The following KCNMA1 variants were observed in gnomAD, a reference collection of about 807,000 sequenced individuals.
The protein encoded by KCNMA1 is potassium calcium-activated channel subfamily M alpha 1.
KCNMA1 carries 29 observed loss-of-function variants against 140.0 expected under a neutral mutation model. The ratio of observed to expected loss-of-function variants is 0.21; its 90% CI spans 0.15 to 0.28. KCNMA1 has a LOEUF of 0.28. Ranked by LOEUF, KCNMA1 falls within the 10% of genes least tolerant of loss-of-function variation. KCNMA1 has a pLI of 1.00. For missense variants in KCNMA1, 880 were observed against 1,602.2 expected (o/e 0.55, Z 7.70); for synonymous variants, 612 against 611.9 (o/e 1.00, Z 0.00).
intron 3 of KCNMA1, among the ~76,000 whole-genome samples, chr10:77,227,244 G>A (rs2154197414): frequency 6.6e-6 from 1 of 152,288 alleles, no homozygotes; most frequent in East Asian, 1.9e-4. Context: ...GTTACAGATA[G>A]GAAAAGCAAT....
intron 19 of KCNMA1, among the ~76,000 whole-genome samples, chr10:76,983,844 C>T (rs1367397303): frequency 6.6e-6 from 1 of 151,980 alleles, no homozygotes; most frequent in Non-Finnish European, 1.5e-5. Context: ...TTTTCTCCCA[C>T]ATAAGCTAAT....
chr10:77,460,291 T>G (rs2097841615), intron 1 of KCNMA1, among the ~76,000 whole-genome samples: 1 of 152,204 alleles, frequency 6.6e-6, no homozygotes, highest in African/African-American at 2.4e-5. Flanking sequence ...CCACCCATCC[T>G]TTAAGACCAA....
intron 20 of KCNMA1, among the ~76,000 whole-genome samples, chr10:76,958,636 G>C (rs539379254): frequency 6.6e-6 from 1 of 152,282 alleles, no homozygotes; most frequent in Non-Finnish European, 1.5e-5. Context: ...GTCCTTACAA[G>C]AAGAGGAAAT....
At chr10:77,057,927 A>G (rs2095599953) in intron 14 of KCNMA1, among the ~76,000 whole-genome samples, 1 of 151,944 alleles carries the variant, frequency 6.6e-6, no homozygotes, top group Non-Finnish European at 1.5e-5. Context: ...TAATAATATT[A>G]TAGATAAATT....
At chr10:77,375,504 A>C (rs1433571037) in intron 2 of KCNMA1, among the ~76,000 whole-genome samples, 4 of 152,206 alleles carry the variant, frequency 2.6e-5, no homozygotes, top group African/African-American at 9.6e-5. Context: ...CCAAGCAGCC[A>C]CCACAAGAGT....
chr10:76,954,952 A>G (rs1401181628), intron 20 of KCNMA1, among the ~76,000 whole-genome samples: 1 of 152,202 alleles, frequency 6.6e-6, no homozygotes, highest in Admixed American at 6.5e-5. Flanking sequence ...CCATGCTTTT[A>G]TCTCTGATAG....
At chr10:77,077,376 G>T (rs942921424) in intron 13 of KCNMA1, among the ~76,000 whole-genome samples, 3 of 152,208 alleles carry the variant, frequency 2.0e-5, no homozygotes, top group African/African-American at 7.2e-5. Flanking sequence ...AAATAATCAT[G>T]AATTGGTTGA....
intron 9 of KCNMA1, among the ~76,000 whole-genome samples, chr10:77,098,484 A>G (rs981405304): frequency 7.2e-5 from 11 of 151,822 alleles, no homozygotes. Context: ...CCACTTCCTC[A>G]GTGTCAGAGC....
intron 14 of KCNMA1, among the ~76,000 whole-genome samples, chr10:77,048,277 C>T (rs2095196457): frequency 6.6e-6 from 1 of 152,126 alleles, no homozygotes; most frequent in African/African-American, 2.4e-5. Flanking sequence ...GTACTTAACT[C>T]GTCACGGATG....
At chr10:77,407,506 C>A (rs1044145531) in intron 1 of KCNMA1, among the ~76,000 whole-genome samples, 2 of 152,224 alleles carry the variant, frequency 1.3e-5, no homozygotes, top group African/African-American at 4.8e-5. Context: ...TTGCTTAAAC[C>A]TTATAATACA....
At chr10:77,114,600 C>T (rs2097406938) in intron 6 of KCNMA1, among the ~76,000 whole-genome samples, 1 of 152,194 alleles carries the variant, frequency 6.6e-6, no homozygotes, top group East Asian at 1.9e-4. Context: ...AACTTGAAAG[C>T]CCTTCCCATC....
intron 2 of KCNMA1, among the ~76,000 whole-genome samples, chr10:77,347,533 AG>A (rs2092345699): frequency 6.6e-6 from 1 of 152,204 alleles, no homozygotes; most frequent in Admixed American, 6.5e-5. Context: ...TGGGGATGGC[AG>A]GCTTGCAGCC....
At chr10:77,301,599 A>G (rs997502353) in intron 2 of KCNMA1, among the ~76,000 whole-genome samples, 4 of 151,942 alleles carry the variant, frequency 2.6e-5, no homozygotes, top group African/African-American at 9.7e-5. Context: ...TTTCATAGAT[A>G]CAGTCCATCA....
chr10:77,012,553 G>A (rs2153456278), intron 17 of KCNMA1: 3 of 1,549,940 alleles, frequency 1.9e-6, no homozygotes, highest in East Asian at 2.4e-5. Flanking sequence ...CAGAGTTGAG[G>A]AGGTCTGCAG....
chr10:76,879,331 C>A (rs964754813), intron 29 of KCNMA1, among the ~76,000 whole-genome samples: 1 of 152,124 alleles, frequency 6.6e-6, no homozygotes, highest in African/African-American at 2.4e-5. Context: ...CCTCTTGCCT[C>A]GTTCTCCCCA....
chr10:77,470,774 A>G (rs2098131723), intron 1 of KCNMA1, among the ~76,000 whole-genome samples: 1 of 152,174 alleles, frequency 6.6e-6, no homozygotes, highest in South Asian at 2.1e-4. Flanking sequence ...GGGTTTCTCT[A>G]CAAGAGCCAT....
At chr10:77,269,470 T>C (rs11002104) in intron 2 of KCNMA1, among the ~76,000 whole-genome samples, 37,482 of 152,090 alleles carry the variant, frequency 0.25, 5,090 homozygotes, top group East Asian at 0.49. Flanking sequence ...ATGCACCATA[T>C]CCTCTCAGGG....
intron 5 of KCNMA1, among the ~76,000 whole-genome samples, chr10:77,122,479 C>T (rs2097633464): frequency 6.6e-6 from 1 of 151,958 alleles, no homozygotes; most frequent in Admixed American, 6.6e-5. Context: ...TGACTTAGCA[C>T]CGCTGAAAAC....
chr10:77,203,390 C>T (rs2043038699), intron 3 of KCNMA1, among the ~76,000 whole-genome samples: 1 of 152,166 alleles, frequency 6.6e-6, no homozygotes, highest in Non-Finnish European at 1.5e-5. Flanking sequence ...TACTCATCCA[C>T]CTTTGAACAC....
Sources: gnomAD v4.1 joint callset for allele counts (sites outside exome capture counted in the v4.1 genomes callset) on GRCh38, gnomAD v4.1.1 for gene constraint, MANE v1.5 for transcripts, NCBI Gene and HGNC (gene_info 2026-07-23, HGNC 2026-07-21) for gene names.